PLB1: variants seen among roughly 807,000 people sequenced by gnomAD.
The protein encoded by PLB1 is phospholipase B1, also known as phospholipase B1, membrane-associated.
PLB1 carries 242 observed loss-of-function variants against 227.4 expected under a neutral mutation model. That is an observed-to-expected ratio of 1.06 (90% CI 0.96 to 1.18). The LOEUF (loss-of-function observed/expected upper bound fraction) is 1.18, where lower values mean the gene tolerates loss of function less well. PLB1 is among the 50% of genes most tolerant of loss of function. The probability of loss-of-function intolerance (pLI) is 0.00; values close to 1 mark genes in which losing one functional copy is unlikely to be tolerated. For synonymous variants in PLB1, 757 were observed against 682.2 expected, an observed-to-expected ratio of 1.11 and a Z score of -1.71; for missense variants, 1,858 against 1,816.3, an observed-to-expected ratio of 1.02 and a Z score of -0.42.
intron 39 of PLB1, among the ~76,000 whole-genome samples, 164 bp from the exon 40 acceptor site, chr2:28,603,802 T>C (rs1273975440): frequency 6.6e-6 from 1 of 152,174 alleles, no homozygotes; most frequent in Non-Finnish European, 1.5e-5. Context: ...CTGCCAGGCC[T>C]GAAGCCTGCC....
chr2:28,636,597 G>A (rs1006681637), intron 56 of PLB1, among the ~76,000 whole-genome samples: 1 of 152,102 alleles, frequency 6.6e-6, no homozygotes, highest in African/African-American at 2.4e-5. Flanking sequence ...CTGACAGTAG[G>A]ATGGGTGAGT....
chr2:28,571,221 A>G (rs1362542579), intron 20 of PLB1, among the ~76,000 whole-genome samples: 1 of 152,242 alleles, frequency 6.6e-6, no homozygotes, highest in Non-Finnish European at 1.5e-5. Context: ...TTACAATAGC[A>G]TCAAAAATAA....
intron 37 of PLB1, among the ~76,000 whole-genome samples, chr2:28,601,595 CTCTTA>C (rs1486619732): frequency 6.6e-6 from 1 of 152,164 alleles, no homozygotes; most frequent in African/African-American, 2.4e-5. Context: ...CTACTCCTCT[CTCTTA>C]TAACTCCTGA....
intron 14 of PLB1, among the ~76,000 whole-genome samples, chr2:28,545,379 A>G (rs936618487): frequency 6.6e-6 from 1 of 152,144 alleles, no homozygotes; most frequent in South Asian, 2.1e-4. Context: ...AAAATGCCAG[A>G]CCATCCCACA....
intron 1 of PLB1, among the ~76,000 whole-genome samples, chr2:28,507,074 T>G (rs547988383): frequency 6.6e-6 from 1 of 152,266 alleles, no homozygotes; most frequent in African/African-American, 2.4e-5. Flanking sequence ...CGTTTAAAGT[T>G]CTGGCCAATG....
intron 4 of PLB1, among the ~76,000 whole-genome samples, chr2:28,521,802 T>C (rs1669564289): frequency 6.6e-6 from 1 of 151,844 alleles, no homozygotes; most frequent in African/African-American, 2.4e-5. Context: ...GATAGAACAC[T>C]TCCTTATCAG....
chr2:28,633,458 A>C (rs994415409), intron 56 of PLB1: 1 of 177,308 alleles, frequency 5.6e-6, no homozygotes, highest in African/African-American at 2.4e-5. Context: ...GATCATGTGT[A>C]CATGGCACCT....
intron 1 of PLB1, among the ~76,000 whole-genome samples, chr2:28,509,120 G>A (rs1039428493): frequency 6.6e-6 from 1 of 152,158 alleles, no homozygotes; most frequent in Admixed American, 6.5e-5. Context: ...CTTAATCAAG[G>A]TCATGAAATG....
intron 6 of PLB1, among the ~76,000 whole-genome samples, chr2:28,528,297 T>TGG (rs1176194911): frequency 6.6e-6 from 1 of 152,100 alleles, no homozygotes; most frequent in Middle Eastern, 3.2e-3. Context: ...AAAGGGGAGT[T>TGG]GGGGGGAGGA....
chr2:28,643,020 A>T lies in PLB1; in HGVS notation c.4336A>T (p.Arg1446Trp). 1 of 1,610,540 alleles carries T rather than the reference A, an allele frequency of 6.2e-7. No individual in the cohort carries two copies. Among genetic ancestry groups the T allele is most frequent in the Non-Finnish European group, 8.5e-7 (1 of 1,178,734 alleles). The change falls in exon 58 of 58, where the codon AGG becomes TGG. Residue 1446 changes from arginine (R) to tryptophan (W), a missense_variant. Transcript: ENST00000327757. ...VVWRCRRGGR[R>W]EDPPMSLRTV... Reference sequence around the variant, plus strand: ...CTGGAGGTGCAGGAGAGGTGGCCGGAGGGAAGATCCTCCAATGAGCCTGCG... The same window carrying T: ...CTGGAGGTGCAGGAGAGGTGGCCGGTGGGAAGATCCTCCAATGAGCCTGCG...
At chr2:28,569,317 C>T (rs1209277304) in intron 20 of PLB1, among the ~76,000 whole-genome samples, 3 of 152,136 alleles carry the variant, frequency 2.0e-5, no homozygotes, top group Admixed American at 1.3e-4. Context: ...TAATTCAGTC[C>T]ATAATCATGT....
intron 9 of PLB1, 132 bp downstream of exon 9, chr2:28,532,326 ATGG>A: frequency 1.9e-6 from 1 of 530,638 alleles, no homozygotes. Flanking sequence ...ACATGGATGG[ATGG>A]ATGGATGGAT....
chr2:28,568,980 C>T (rs1028895851), intron 20 of PLB1, among the ~76,000 whole-genome samples: 5 of 152,206 alleles, frequency 3.3e-5, no homozygotes, highest in African/African-American at 1.2e-4. Flanking sequence ...ACTTTCAAAT[C>T]GCTCAGGTGA....
intron 35 of PLB1, among the ~76,000 whole-genome samples, chr2:28,599,340 T>C (rs1363889387): frequency 6.6e-6 from 1 of 152,234 alleles, no homozygotes; most frequent in Non-Finnish European, 1.5e-5. Flanking sequence ...TAGGTCTTCT[T>C]GCTCTATGCA....
Position 28,629,109 on chromosome 2 carries a change from G to A in PLB1, c.3742G>A (p.Val1248Ile), listed in dbSNP as rs370125642. Residue 1248 changes from valine to isoleucine, a missense_variant, in exon 53 of 58, where the codon GTC becomes ATC. Physicochemically the swap from Val to Ile is conservative, Grantham distance 29. Coordinates refer to ENST00000327757, the MANE Select transcript of PLB1 (RefSeq NM_153021.5). ...CTCCCTGCAGCTCCCAAGGGCTTTC[G>A]TCAACGTGGTGGAGGTCATGGAGCT... Reference protein sequence around the residue: ...ILSEELPRAFVNVVEVMELAS... With the variant: ...ILSEELPRAFINVVEVMELAS... 39 of 1,613,756 alleles carry A rather than the reference G, an allele frequency of 2.4e-5. No homozygotes were observed. The Middle Eastern group carries it at 5.0e-4, about 20-fold the overall frequency.
At position 28,518,471 on chromosome 2, in the gene PLB1, G is replaced by A. The variant is rs1669118593; in HGVS notation, c.123G>A (p.Leu41=). ...TLEGQLWPET[L]KNSPFPCNPN... ...ATGTTCGTTTTCAATTGCAGACCCT[G>A]AAGAATTCTCCATTCCCATGCAACC... The change falls in exon 3 of 58, where the codon CTG becomes CTA. Residue 41 remains leucine, a synonymous_variant. Transcript: ENST00000327757. 6.2e-7 allele frequency: 1 copy of A among 1,611,362 alleles called. No homozygotes were observed. The highest frequency in any genetic ancestry group is 1.3e-5 in the African/African-American group (1 of 74,994).
Position 28,540,420 on chromosome 2 carries a change from G to A in PLB1, c.753G>A (p.Val251=). The part of the protein sequence containing the change: ...CSEETTRLAK[V]VMQWSYQEAW... ...AGGAGACCACCCGGCTGGCCAAGGT[G>A]GTGATGCAGTGGTCTTATCAGGTGA... Residue 251 remains valine (V), a synonymous_variant, in exon 12 of 58, where the codon GTG becomes GTA. Coordinates refer to ENST00000327757, the MANE Select transcript of PLB1 (RefSeq NM_153021.5). The A allele has an allele frequency of 6.2e-7, 1 of 1,614,038 alleles. No homozygotes were observed. Among genetic ancestry groups the A allele is most frequent in the Non-Finnish European group, 8.5e-7 (1 of 1,180,008 alleles).
At position 28,626,411 on chromosome 2, in the gene PLB1, A is replaced by ATCTT; in HGVS notation, c.3580-16_3580-13dup. Reference sequence around the variant, plus strand: ...CCTCCCACCAAGGCCTAAACTCAGGATCTTCTGTCCCCTCAGGACATCAAC... The same window carrying ATCTT: ...CCTCCCACCAAGGCCTAAACTCAGGATCTTTCTTCTGTCCCCTCAGGACATCAAC... On this transcript the variant is annotated splice_polypyrimidine_tract_variant and intron_variant, in intron 50 of 57. Coordinates refer to ENST00000327757, the MANE Select transcript of PLB1 (RefSeq NM_153021.5). The ATCTT allele has an allele frequency of 6.2e-7, 1 of 1,611,794 alleles. No homozygotes were observed. The highest frequency in any genetic ancestry group is 8.5e-7 in the Non-Finnish European group (1 of 1,177,856).
intron 56 of PLB1, among the ~76,000 whole-genome samples, chr2:28,634,662 CT>C (rs1309015584): frequency 6.6e-6 from 1 of 152,132 alleles, no homozygotes; most frequent in Non-Finnish European, 1.5e-5. Context: ...AATCCCAGCA[CT>C]TTGGGAGGCC....
Sources: allele counts gnomAD v4.1 joint callset (sites outside exome capture counted in the v4.1 genomes callset), GRCh38; gene constraint gnomAD v4.1.1; transcripts MANE v1.5; gene names NCBI Gene and HGNC (gene_info 2026-07-23, HGNC 2026-07-21).